The following PCDHA10 variants were observed in gnomAD, a reference collection of about 807,000 sequenced individuals.
PCDHA10 encodes the protein protocadherin alpha-10.
Under a neutral mutation model 61.2 loss-of-function variants are expected in PCDHA10, and 45 were observed. The observed-to-expected ratio is 0.74, with a 90% confidence interval of 0.58 to 0.94. The LOEUF is 0.94. Ranked by LOEUF, PCDHA10 falls within the 40% of genes least tolerant of loss-of-function variation. The pLI, the probability that PCDHA10 is intolerant of heterozygous loss-of-function variation, is 0.00. For synonymous variants in PCDHA10, 602 were observed against 548.8 expected, an observed-to-expected ratio of 1.10 and a Z score of -1.35; for missense variants, 1,278 against 1,236.2, an observed-to-expected ratio of 1.03 and a Z score of -0.51.
At chr5:140,864,188 T>C (rs1367092956) in intron 1 of PCDHA10, 1 of 152,142 alleles carries the variant, frequency 6.6e-6, no homozygotes, top group Non-Finnish European at 1.5e-5. Flanking sequence ...TGAATAATGA[T>C]CCTTATGAGA....
At chr5:140,880,861 T>C (rs1416708298) in intron 1 of PCDHA10, among the ~76,000 whole-genome samples, 1 of 152,188 alleles carries the variant, frequency 6.6e-6, no homozygotes, top group African/African-American at 2.4e-5. Context: ...AGTCTAATTA[T>C]GTGAAGAGGT....
intron 1 of PCDHA10, among the ~76,000 whole-genome samples, chr5:140,936,139 C>T (rs1166879357): frequency 6.6e-6 from 1 of 152,078 alleles, no homozygotes; most frequent in Non-Finnish European, 1.5e-5. Flanking sequence ...GTGATCTGCC[C>T]GCCTTGGCCT....
At chr5:140,875,181 TAA>T (rs1554167538) in intron 1 of PCDHA10, 2 of 448,484 alleles carry the variant, frequency 4.5e-6, no homozygotes, top group East Asian at 4.2e-5. Flanking sequence ...ACATTAGAAT[TAA>T]GAGTGACCCA....
At chr5:140,951,560 C>T (rs2094602519) in intron 1 of PCDHA10, among the ~76,000 whole-genome samples, 1 of 151,998 alleles carries the variant, frequency 6.6e-6, no homozygotes. Flanking sequence ...AAGTGCTACG[C>T]ACTTTTAAAC....
chr5:141,010,089 G>T lies in PCDHA10; in HGVS notation c.*152G>T. On this transcript the variant is annotated 3_prime_UTR_variant, in exon 4 of 4. Coordinates refer to ENST00000307360, the MANE Select transcript of PCDHA10 (RefSeq NM_018901.4). The stretch of plus-strand genomic sequence containing the variant: ...AAAGTTCCCTGTGTCTGTCTAGAAC[G>T]CATTTAACAGGTTTTGTCGTAAAAG... 2 of 1,612,296 alleles carry T rather than the reference G, an allele frequency of 1.2e-6. No individual in the cohort carries two copies. Among genetic ancestry groups the T allele is most frequent in the East Asian group, 2.2e-5 (1 of 44,872 alleles).
intron 1 of PCDHA10, among the ~76,000 whole-genome samples, chr5:140,962,537 A>G (rs1554226101): frequency 6.6e-6 from 1 of 152,208 alleles, no homozygotes; most frequent in Non-Finnish European, 1.5e-5. Context: ...TTTTAGAACT[A>G]AAAATGTAGA....
intron 1 of PCDHA10, among the ~76,000 whole-genome samples, chr5:140,938,547 C>CTTTTA (rs59072362): frequency 0.32 from 48,749 of 151,290 alleles, 8,071 homozygotes; most frequent in East Asian, 0.53. Flanking sequence ...GATTTTTATC[C>CTTTTA]TTTTATTAAT....
In PCDHA10 at chr5:140,887,388, G is replaced by A. The variant is rs138166374; in HGVS notation, c.2388+28952G>A. ...TGGGATTACAGGTGTGAGCCACCGC[G>A]CCCGGCTCTTTATCTCATTTTTATT... is the stretch of plus-strand genomic sequence containing the variant. On this transcript the variant is annotated intron_variant, in intron 1 of 3. Transcript: ENST00000307360. 5.8e-3 allele frequency among the ~76,000 whole-genome samples: 888 copies of A among 152,192 alleles called. 10 individuals carry two copies. The highest frequency in any genetic ancestry group is 0.019 in the African/African-American group (805 of 41,536).
rs375652776 is a variant in PCDHA10, at chr5:140,968,862, G to A, written c.2389-10087G>A. The A allele has an allele frequency of 1.9e-5, 31 of 1,614,126 alleles. No individual in the cohort carries two copies. The highest frequency in any genetic ancestry group is 1.5e-4 in the South Asian group (14 of 91,062). The stretch of plus-strand genomic sequence containing the variant: ...ACTCAGAGGCATGTTAAGAGCCCTC[G>A]GACATACTCTGAAATTACCCTTTAT... On this transcript the variant is annotated intron_variant, in intron 1 of 3. Transcript: ENST00000307360.
intron 1 of PCDHA10, chr5:140,927,923 CTCT>C: frequency 6.2e-7 from 1 of 1,614,232 alleles, no homozygotes; most frequent in East Asian, 2.2e-5. Context: ...GACTTCCTGA[CTCT>C]TTCGAACCCA....
intron 1 of PCDHA10, among the ~76,000 whole-genome samples, chr5:140,894,640 C>T (rs1004479669): frequency 4.6e-5 from 7 of 151,788 alleles, no homozygotes; most frequent in Admixed American, 4.6e-4. Flanking sequence ...CATATCATTA[C>T]TGAGTCTCTC....
intron 1 of PCDHA10, among the ~76,000 whole-genome samples, chr5:140,915,400 T>C (rs1554196884): frequency 6.6e-6 from 1 of 152,224 alleles, no homozygotes; most frequent in East Asian, 1.9e-4. Context: ...GTATTTCTTA[T>C]AGTCTTTGCA....
At chr5:140,924,811 C>A (rs1209918868) in intron 1 of PCDHA10, among the ~76,000 whole-genome samples, 6 of 151,654 alleles carry the variant, frequency 4.0e-5, no homozygotes, top group Admixed American at 3.3e-4. Context: ...AAGAGAATCG[C>A]TTGAACCTGG....
chr5:140,907,623 G>A (rs553186767), intron 1 of PCDHA10, among the ~76,000 whole-genome samples: 3 of 152,234 alleles, frequency 2.0e-5, no homozygotes, highest in Non-Finnish European at 2.9e-5. Context: ...AGGGCTCAGT[G>A]TTGGTCTCTG....
chr5:141,005,339 T>C (rs920058303), intron 3 of PCDHA10, among the ~76,000 whole-genome samples: 5 of 151,926 alleles, frequency 3.3e-5, no homozygotes, highest in African/African-American at 9.7e-5. Context: ...GCCAAGGGGG[T>C]GCTGCTTGGC....
chr5:141,008,329 T>C (rs2098370202), intron 3 of PCDHA10, among the ~76,000 whole-genome samples: 1 of 152,192 alleles, frequency 6.6e-6, no homozygotes, highest in Non-Finnish European at 1.5e-5. Context: ...AAACAGTTTA[T>C]TTGATGGAGC....
chr5:140,876,873 C>G (rs781921402), intron 1 of PCDHA10: 1 of 1,614,128 alleles, frequency 6.2e-7, no homozygotes, highest in Non-Finnish European at 8.5e-7. Context: ...TGAAGGAGAA[C>G]AACCCGCCGG....
intron 1 of PCDHA10, among the ~76,000 whole-genome samples, chr5:140,948,267 A>G (rs964252489): frequency 1.3e-5 from 2 of 151,646 alleles, no homozygotes. Flanking sequence ...GTGTTCATGT[A>G]GAATATCTGT....
At chr5:140,890,902 G>A (rs781819787) in intron 1 of PCDHA10, among the ~76,000 whole-genome samples, 16 of 152,080 alleles carry the variant, frequency 1.1e-4, no homozygotes, top group Non-Finnish European at 1.5e-4. Context: ...GTCTTTCCAT[G>A]TTAGAATAAT....
Sources: gnomAD v4.1 joint callset for allele counts (sites outside exome capture counted in the v4.1 genomes callset) on GRCh38, gnomAD v4.1.1 for gene constraint, MANE v1.5 for transcripts, NCBI Gene and HGNC (gene_info 2026-07-23, HGNC 2026-07-21) for gene names.